Variants in ZC3H12C observed in about 807,000 individuals in gnomAD.
The protein encoded by ZC3H12C is probable ribonuclease ZC3H12C.
In ZC3H12C, 20 loss-of-function variants were observed where a neutral mutation model predicts 76.3. That is an observed-to-expected ratio of 0.26 (90% CI 0.18 to 0.38). The LOEUF (loss-of-function observed/expected upper bound fraction) is 0.38. Among genes scored for constraint, ZC3H12C ranks in the 10% least tolerant of loss-of-function variants. The probability of loss-of-function intolerance (pLI) is 1.00; values close to 1 mark genes in which losing one functional copy is unlikely to be tolerated. For missense variants in ZC3H12C, 874 were observed against 1,086.5 expected (o/e 0.80, Z 2.75); for synonymous variants, 352 against 399.6 (o/e 0.88, Z 1.42).
intron 1 of ZC3H12C, among the ~76,000 whole-genome samples, chr11:110,093,820 G>A (rs1332161048): frequency 5.3e-5 from 8 of 152,132 alleles, no homozygotes. Flanking sequence ...ACACTGCGCT[G>A]CCCCAGCGGC....
intron 1 of ZC3H12C, among the ~76,000 whole-genome samples, chr11:110,126,120 T>C (rs1490543579): frequency 6.6e-6 from 1 of 152,194 alleles, no homozygotes; most frequent in African/African-American, 2.4e-5. Context: ...GGTAGTTGCT[T>C]AGTATTTTTA....
chr11:110,116,224 T>A (rs900135515), intron 1 of ZC3H12C, among the ~76,000 whole-genome samples: 1 of 152,180 alleles, frequency 6.6e-6, no homozygotes, highest in Admixed American at 6.5e-5. Context: ...TACACTTATG[T>A]TCCTTACCAA....
In ZC3H12C at chr11:110,114,594, T is replaced by C. The variant is rs577322870; in HGVS notation, c.21+21162T>C. Among the ~76,000 whole-genome samples the C allele has an allele frequency of 4.6e-5, 7 of 152,336 alleles. No homozygotes were observed. The South Asian group carries it at 1.4e-3, about 32-fold the overall frequency. On this transcript the variant is annotated intron_variant, in intron 1 of 5. Transcript: ENST00000278590. ...ATACTGGCTTAACCTTTCATTTAGTTTGACTGGATAATCGTGGACCATGCT... is the reference window on the plus strand; with the variant it reads ...ATACTGGCTTAACCTTTCATTTAGTCTGACTGGATAATCGTGGACCATGCT...
Position 110,137,203 on chromosome 11 carries a change from A to T in ZC3H12C, c.562A>T (p.Thr188Ser). 1 of 1,613,946 alleles carries T rather than the reference A, an allele frequency of 6.2e-7. No homozygotes were observed. The highest frequency in any genetic ancestry group is 8.5e-7 in the Non-Finnish European group (1 of 1,179,862). The change falls in exon 2 of 6, where the codon ACT becomes TCT. Residue 188 changes from threonine to serine, a missense_variant. Thr to Ser is a moderately conservative substitution (Grantham distance 58). This residue lies in a region of ZC3H12C where 210 missense variants were observed against 227.1 expected (regional missense o/e 0.92). Transcript: ENST00000278590. ...TCAGCTTGTACTAAACAAACTTGGT[A>T]CTGATGCTTTAATCAATGATATTTT... ...QVQLVLNKLG[T>S]DALINDILGE...
chr11:110,148,279 C>G (rs189792111), intron 2 of ZC3H12C, among the ~76,000 whole-genome samples: 1 of 152,016 alleles, frequency 6.6e-6, no homozygotes, highest in African/African-American at 2.4e-5. Flanking sequence ...TTCTTTTGAC[C>G]GTTGCAAAGC....
At chr11:110,098,052 G>C (rs892163484) in intron 1 of ZC3H12C, among the ~76,000 whole-genome samples, 2 of 152,128 alleles carry the variant, frequency 1.3e-5, no homozygotes, top group African/African-American at 4.8e-5. Context: ...ACAGCTTCAG[G>C]CAGGTCTATC....
chr11:110,157,234 T>C (rs147235935), intron 3 of ZC3H12C, among the ~76,000 whole-genome samples: 1 of 151,752 alleles, frequency 6.6e-6, no homozygotes, highest in East Asian at 1.9e-4. Context: ...AAAATTAAGT[T>C]GAAGAGCACA....
intron 1 of ZC3H12C, among the ~76,000 whole-genome samples, chr11:110,116,528 A>G (rs1316799579): frequency 2.6e-5 from 4 of 152,168 alleles, no homozygotes; most frequent in African/African-American, 9.7e-5. Flanking sequence ...AACTAATGGG[A>G]CACAGTTAAA....
intron 2 of ZC3H12C, among the ~76,000 whole-genome samples, chr11:110,143,527 ATAT>A (rs200650777): frequency 0.031 from 4,779 of 151,822 alleles, 335 homozygotes; most frequent in Admixed American, 0.16. Flanking sequence ...ATATTTATTA[ATAT>A]TATAATTATT....
At chr11:110,106,941 C>T (rs575786316) in intron 1 of ZC3H12C, among the ~76,000 whole-genome samples, 4 of 152,292 alleles carry the variant, frequency 2.6e-5, no homozygotes, top group African/African-American at 9.6e-5. Flanking sequence ...AATCAGAGAA[C>T]AGTGCTGGTT....
At chr11:110,128,884 A>T (rs1352306478) in intron 1 of ZC3H12C, among the ~76,000 whole-genome samples, 1 of 127,756 alleles carries the variant, frequency 7.8e-6, no homozygotes, top group Admixed American at 8.4e-5. Context: ...TATCACCACC[A>T]CTAACAAAAA....
At chr11:110,140,450 C>T (rs1464608092) in intron 2 of ZC3H12C, among the ~76,000 whole-genome samples, 4 of 152,194 alleles carry the variant, frequency 2.6e-5, no homozygotes, top group African/African-American at 9.6e-5. Context: ...TATCCCATTT[C>T]AGCTTCTTCC....
chr11:110,134,322 T>A (rs1252878751), intron 1 of ZC3H12C, among the ~76,000 whole-genome samples: 2 of 152,084 alleles, frequency 1.3e-5, no homozygotes, highest in Non-Finnish European at 2.9e-5. Context: ...AATTATTCTT[T>A]CACTGTGCTA....
intron 1 of ZC3H12C, among the ~76,000 whole-genome samples, chr11:110,097,933 A>G (rs1166505410): frequency 6.6e-6 from 1 of 152,350 alleles, no homozygotes; most frequent in African/African-American, 2.4e-5. Flanking sequence ...TGATGGTAGA[A>G]GGATAATGAA....
intron 4 of ZC3H12C, among the ~76,000 whole-genome samples, chr11:110,160,164 CT>C (rs1226474421): frequency 6.6e-6 from 1 of 152,196 alleles, no homozygotes; most frequent in Non-Finnish European, 1.5e-5. Flanking sequence ...TGGTATGTCT[CT>C]GTAGGGCACT....
rs267602688 is a variant in ZC3H12C at position 110,137,083 on chromosome 11, A to G, written c.442A>G (p.Thr148Ala). The G allele has an allele frequency of 3.7e-6, 6 of 1,613,952 alleles. No homozygotes were observed. In the African/African-American group the frequency reaches 8.0e-5, roughly 21 times the overall value. The change falls in exon 2 of 6, where the codon ACA (threonine) becomes GCA (alanine). Residue 148 changes from threonine to alanine, a missense_variant. By Grantham distance (58) the Thr-to-Ala change is moderately conservative. Transcript: ENST00000278590. The stretch of plus-strand genomic sequence containing the variant: ...CTTTAAACCTGAAGAGTCCCAGACT[A>G]CATCCAAGGAAGCAAAGAAACCACC... ...QDFKPEESQT[T>A]SKEAKKPPDV...
At position 110,110,254 on chromosome 11, in the gene ZC3H12C, G is replaced by C. The variant is rs139937295; in HGVS notation, c.21+16822G>C. Among the ~76,000 whole-genome samples, 156 of 152,104 alleles carry C rather than the reference G, an allele frequency of 1.0e-3. 1 individual carries two copies. Among genetic ancestry groups the C allele is most frequent in the African/African-American group, 3.5e-3 (146 of 41,496 alleles). On this transcript the variant is annotated intron_variant, in intron 1 of 5. Transcript: ENST00000278590. ...AAAATAAACGTATTTTTCCTAGTTTGTTTTAAAAATATTTGAGTTCCTTAA... is the reference window on the plus strand; with the variant it reads ...AAAATAAACGTATTTTTCCTAGTTTCTTTTAAAAATATTTGAGTTCCTTAA...
At chr11:110,117,889 A>ATATATACACACACATATATATAT (rs1399773061) in intron 1 of ZC3H12C, among the ~76,000 whole-genome samples, 3 of 84,198 alleles carry the variant, frequency 3.6e-5, no homozygotes, top group African/African-American at 1.4e-4. Context: ...TATATATATT[A>ATATATACACACACATATATATAT]TATATATACA....
rs763323785 is a variant in ZC3H12C at position 110,165,490 on chromosome 11, C to T, written c.2405C>T (p.Pro802Leu). The stretch of plus-strand genomic sequence containing the variant: ...TCCTTGCCCGATAACTCCACACAGC[C>T]GTGTTATGAGCAGTTCACCTTCCAG... ...TYSLPDNSTQ[P>L]CYEQFTFQSL... is the part of the protein sequence containing the mutation. Residue 802 changes from proline to leucine, a missense_variant, in exon 6 of 6, where the codon CCG becomes CTG. Transcript: ENST00000278590. The T allele has an allele frequency of 2.5e-6, 4 of 1,613,994 alleles. No individual in the cohort carries two copies. In the South Asian group the frequency reaches 4.4e-5, roughly 18 times the overall value.
Sources: gnomAD v4.1 joint callset for allele counts (sites outside exome capture counted in the v4.1 genomes callset) on GRCh38, gnomAD v4.1.1 for gene constraint, gnomAD v4.1.1 regional missense constraint, MANE v1.5 for transcripts, NCBI Gene and HGNC (gene_info 2026-07-23, HGNC 2026-07-21) for gene names.